HIPK2: variants seen among roughly 807,000 people sequenced by gnomAD.
The protein encoded by HIPK2 is homeodomain interacting protein kinase 2, also known as homeodomain-interacting protein kinase 2.
Under a neutral mutation model 113.7 loss-of-function variants are expected in HIPK2, and 27 were observed. The observed-to-expected ratio is 0.24, with a 90% confidence interval of 0.17 to 0.33. The LOEUF is 0.33. HIPK2 is among the 10% of genes least tolerant of loss of function. HIPK2 has a pLI of 1.00. For synonymous variants in HIPK2, 631 were observed against 642.2 expected, an observed-to-expected ratio of 0.98 and a Z score of 0.26; for missense variants, 1,257 against 1,588.0, an observed-to-expected ratio of 0.79 and a Z score of 3.54.
Position 139,716,825 on chromosome 7 carries a change from G to A in HIPK2, c.210C>T (p.Ser70=). 6.2e-7 allele frequency: 1 copy of A among 1,613,928 alleles called. No individual in the cohort carries two copies. The highest frequency in any genetic ancestry group is 1.3e-5 in the African/African-American group (1 of 75,026). The change falls in exon 2 of 15, where the codon TCC becomes TCT. Residue 70 remains serine, a synonymous_variant. Transcript: ENST00000406875. This position sits in a 1 kb window ranked among gnomAD's most constrained non-coding sequence, Gnocchi z 9.3. ...SQPATTTVST[S]LPVPNPSLPY... ...GTAGGCTTGGGTTTGGGACCGGCAAGGAGGTGCTGACGGTTGTGGTGGCTG... is the reference window on the plus strand; with the variant it reads ...GTAGGCTTGGGTTTGGGACCGGCAAAGAGGTGCTGACGGTTGTGGTGGCTG...
chr7:139,738,628 A>C (rs1169778389), intron 1 of HIPK2, among the ~76,000 whole-genome samples: 2 of 152,320 alleles, frequency 1.3e-5, no homozygotes, highest in East Asian at 3.9e-4. Context: ...AAAGAGCAAC[A>C]GTGAGAGACA....
rs747440068 is a variant in HIPK2 at position 139,604,224 on chromosome 7, C to T, written c.2113-1G>A. On this transcript the variant is annotated splice_acceptor_variant, in intron 9 of 14. Coordinates refer to ENST00000406875, the MANE Select transcript of HIPK2 (RefSeq NM_022740.5). LOFTEE classifies it high-confidence loss of function. ...GCTGGGTCCCACTTGGCCAAGCCTG[C>T]TGTAGAACACAGGACATGTGCAATG... 1 of 1,607,966 alleles carries T rather than the reference C, an allele frequency of 6.2e-7. No homozygotes were observed. Among genetic ancestry groups the T allele is most frequent in the African/African-American group, 1.3e-5 (1 of 74,874 alleles).
intron 2 of HIPK2, among the ~76,000 whole-genome samples, chr7:139,675,722 T>A (rs1299490355): frequency 1.3e-5 from 2 of 152,054 alleles, no homozygotes; most frequent in Non-Finnish European, 2.9e-5. Flanking sequence ...TTGGGTGGGG[T>A]TGACCTGAGG....
At chr7:139,761,939 CAGAGAG>C (rs137949324) in intron 1 of HIPK2, among the ~76,000 whole-genome samples, 7 of 148,690 alleles carry the variant, frequency 4.7e-5, no homozygotes, top group African/African-American at 1.2e-4. Context: ...TGGACAGAGA[CAGAGAG>C]AGAGAGAGAG....
rs77436021 is a variant in HIPK2, at chr7:139,604,131, G to T, written c.2205C>A (p.Ala735=). 37 of 1,613,852 alleles carry T rather than the reference G, an allele frequency of 2.3e-5. No individual in the cohort carries two copies. In the East Asian group the frequency reaches 8.0e-4, roughly 35 times the overall value. ...CTGCCATGGTCTCGGGAATCACGGT[G>T]GCATGCTGCACTGATGTGTGGGTGG... is the stretch of plus-strand genomic sequence containing the variant. The part of the protein sequence containing the change: ...GVATHTSVQH[A]TVIPETMAGT... Residue 735 remains alanine, a synonymous_variant, in exon 10 of 15, where the codon GCC becomes GCA. Transcript: ENST00000406875.
At chr7:139,621,327 T>TA (rs1218422474) in intron 6 of HIPK2, among the ~76,000 whole-genome samples, 3 of 152,342 alleles carry the variant, frequency 2.0e-5, no homozygotes, top group South Asian at 4.1e-4. Context: ...TGTATACACA[T>TA]ACGTCCTCTT....
chr7:139,710,867 C>A (rs1294031707), intron 2 of HIPK2, among the ~76,000 whole-genome samples: 2 of 152,206 alleles, frequency 1.3e-5, no homozygotes, highest in East Asian at 3.9e-4. Context: ...GCACCTACCC[C>A]ACCTCTCTCT....
At chr7:139,638,024 C>G (rs975115583) in intron 2 of HIPK2, among the ~76,000 whole-genome samples, 3 of 152,140 alleles carry the variant, frequency 2.0e-5, no homozygotes, top group Non-Finnish European at 2.9e-5. Flanking sequence ...AGAAGTGGCA[C>G]CTGGCTCATG....
intron 2 of HIPK2, among the ~76,000 whole-genome samples, chr7:139,654,583 A>C (rs1047245010): frequency 6.6e-6 from 1 of 152,218 alleles, no homozygotes; most frequent in Admixed American, 6.5e-5. Flanking sequence ...TGTTTAATGC[A>C]TTTAGGGAGC....
At chr7:139,711,036 A>G (rs570530789) in intron 2 of HIPK2, among the ~76,000 whole-genome samples, 1 of 151,656 alleles carries the variant, frequency 6.6e-6, no homozygotes, top group East Asian at 1.9e-4. Flanking sequence ...AGTCATAGGT[A>G]GCTCTTTATG....
intron 2 of HIPK2, among the ~76,000 whole-genome samples, chr7:139,691,598 G>A (rs1441172108): frequency 3.9e-5 from 6 of 152,206 alleles, no homozygotes; most frequent in Non-Finnish European, 7.3e-5. Context: ...TTCACCTCAT[G>A]AGCCCTCATA....
intron 2 of HIPK2, among the ~76,000 whole-genome samples, chr7:139,672,780 C>T (rs1802350548): frequency 6.6e-6 from 1 of 152,188 alleles, no homozygotes; most frequent in East Asian, 1.9e-4. Flanking sequence ...TTTTTATTCA[C>T]TTCTGGTGAT....
At chr7:139,702,407 G>A in intron 2 of HIPK2, among the ~76,000 whole-genome samples, 1 of 152,204 alleles carries the variant, frequency 6.6e-6, no homozygotes, top group Non-Finnish European at 1.5e-5. Context: ...CAGTCACGGG[G>A]GTGCATATCC....
intron 2 of HIPK2, among the ~76,000 whole-genome samples, chr7:139,670,268 G>A (rs1274463451): frequency 1.3e-5 from 2 of 152,058 alleles, no homozygotes; most frequent in Non-Finnish European, 2.9e-5. Context: ...TCTGGACATT[G>A]CCACCCAGCT....
In HIPK2 at chr7:139,714,286, A is replaced by G. The variant is rs780538314; in HGVS notation, c.1103+1646T>C. Among the ~76,000 whole-genome samples, 1 of 152,226 alleles carries G rather than the reference A, an allele frequency of 6.6e-6. No individual in the cohort carries two copies. The highest frequency in any genetic ancestry group is 1.5e-5 in the Non-Finnish European group (1 of 68,030). ...GGAAGAGGGAAGAGACAGAAACAGC[A>G]TGGGTGAAGAGGCCTCGAAACCTCC... On this transcript the variant is annotated intron_variant, in intron 2 of 14. Transcript: ENST00000406875. This position sits in a 1 kb window ranked among gnomAD's most constrained non-coding sequence, Gnocchi z 4.2.
chr7:139,764,379 G>A (rs1002829043), intron 1 of HIPK2, among the ~76,000 whole-genome samples: 2 of 152,168 alleles, frequency 1.3e-5, no homozygotes, highest in African/African-American at 2.4e-5. Flanking sequence ...CAGCTATGGC[G>A]AATGATGAGA....
chr7:139,607,795 G>A (rs1799670940), intron 9 of HIPK2, among the ~76,000 whole-genome samples: 1 of 152,056 alleles, frequency 6.6e-6, no homozygotes, highest in Non-Finnish European at 1.5e-5. Context: ...TTATGGGGAT[G>A]GCAGTGGGTT....
At chr7:139,596,608 G>T in intron 12 of HIPK2, 109 bp downstream of exon 12, 2 of 1,433,226 alleles carry the variant, frequency 1.4e-6, no homozygotes, top group South Asian at 1.3e-5. Flanking sequence ...CAAACTGTAA[G>T]GGTCAGAAGA....
chr7:139,602,321 C>G (rs1325706035), intron 10 of HIPK2, among the ~76,000 whole-genome samples: 1 of 152,134 alleles, frequency 6.6e-6, no homozygotes, highest in Non-Finnish European at 1.5e-5. Flanking sequence ...GGCACTCTTT[C>G]TCTTTTGAGT....
Sources: gnomAD v4.1 joint callset for allele counts (sites outside exome capture counted in the v4.1 genomes callset) on GRCh38, gnomAD v4.1.1 for gene constraint, Gnocchi (gnomAD v3.1) non-coding constraint, MANE v1.5 for transcripts, NCBI Gene and HGNC (gene_info 2026-07-23, HGNC 2026-07-21) for gene names.